FAM174A: variants seen among roughly 807,000 people sequenced by gnomAD.
FAM174A encodes the protein membrane protein FAM174A.
A neutral mutation model predicts 14.3 loss-of-function variants in FAM174A; 14 were observed. The observed-to-expected ratio is 0.98, with a 90% confidence interval of 0.65 to 1.53. The LOEUF (loss-of-function observed/expected upper bound fraction) is 1.53. FAM174A is among the 40% of genes most tolerant of loss of function. The pLI, the probability that FAM174A is intolerant of heterozygous loss-of-function variation, is 0.00. For synonymous variants in FAM174A, 108 were observed against 111.4 expected, an observed-to-expected ratio of 0.97 and a Z score of 0.19; for missense variants, 241 against 249.6, an observed-to-expected ratio of 0.97 and a Z score of 0.23.
At chr5:100,547,424 G>C (rs1746185242) in intron 1 of FAM174A, among the ~76,000 whole-genome samples, 1 of 152,054 alleles carries the variant, frequency 6.6e-6, no homozygotes. Flanking sequence ...GGACACTGAA[G>C]AGCCCAGTTT....
At chr5:100,557,916 G>C (rs1746429416) in intron 1 of FAM174A, among the ~76,000 whole-genome samples, 1 of 151,980 alleles carries the variant, frequency 6.6e-6, no homozygotes, top group African/African-American at 2.4e-5. Flanking sequence ...TTTTTGAAGG[G>C]TTTTTTATGT....
intron 2 of FAM174A, among the ~76,000 whole-genome samples, chr5:100,575,486 G>A (rs1021350047): frequency 1.3e-5 from 2 of 152,080 alleles, no homozygotes; most frequent in African/African-American, 4.8e-5. Context: ...CCACCTATGA[G>A]TGAGAACATG....
intron 2 of FAM174A, among the ~76,000 whole-genome samples, chr5:100,570,349 A>AT (rs946878314): frequency 8.6e-5 from 13 of 151,906 alleles, no homozygotes; most frequent in Non-Finnish European, 1.6e-4. Context: ...ACTCGATCTG[A>AT]TTTTTTAATG....
intron 1 of FAM174A, among the ~76,000 whole-genome samples, chr5:100,544,323 C>T (rs919853026): frequency 2.0e-5 from 3 of 151,930 alleles, no homozygotes; most frequent in Non-Finnish European, 2.9e-5. Flanking sequence ...ACCCCTGCAT[C>T]CCGGAAACAG....
intron 1 of FAM174A, among the ~76,000 whole-genome samples, chr5:100,554,590 G>GT (rs1293499825): frequency 2.6e-5 from 4 of 152,050 alleles, no homozygotes; most frequent in Non-Finnish European, 5.9e-5. Context: ...GATTACAGGT[G>GT]TGAGTAACCA....
intron 1 of FAM174A, 66 bp downstream of exon 1, chr5:100,536,030 AG>A: frequency 7.0e-7 from 1 of 1,419,872 alleles, no homozygotes; most frequent in East Asian, 2.4e-5. Context: ...ATCTCCAGCA[AG>A]GCTGACTTCT....
At chr5:100,543,363 C>G (rs1212293845) in intron 1 of FAM174A, among the ~76,000 whole-genome samples, 2 of 152,158 alleles carry the variant, frequency 1.3e-5, no homozygotes, top group African/African-American at 4.8e-5. Context: ...AGTGATCTGC[C>G]TGCCTTGGCC....
intron 1 of FAM174A, among the ~76,000 whole-genome samples, chr5:100,550,309 A>G (rs1746238784): frequency 6.6e-6 from 1 of 152,164 alleles, no homozygotes; most frequent in African/African-American, 2.4e-5. Flanking sequence ...TGTTGCCTCC[A>G]GAGGTCCATA....
At chr5:100,536,763 A>G (rs572471936) in intron 1 of FAM174A, among the ~76,000 whole-genome samples, 22 of 152,302 alleles carry the variant, frequency 1.4e-4, no homozygotes, top group Non-Finnish European at 2.6e-4. Context: ...TCCCATAAAT[A>G]CCCTCTGTAT....
chr5:100,557,980 C>T (rs1273350868), intron 1 of FAM174A, among the ~76,000 whole-genome samples: 1 of 152,102 alleles, frequency 6.6e-6, no homozygotes, highest in Non-Finnish European at 1.5e-5. Flanking sequence ...CTTCTGCTAG[C>T]TTTTGAATGT....
At chr5:100,542,914 A>ATG (rs1490653383) in intron 1 of FAM174A, among the ~76,000 whole-genome samples, 58 of 151,666 alleles carry the variant, frequency 3.8e-4, no homozygotes, top group Admixed American at 1.4e-3. Flanking sequence ...GTGTATATAT[A>ATG]TGTGTGTGTG....
intron 1 of FAM174A, among the ~76,000 whole-genome samples, chr5:100,556,180 C>G (rs1157501145): frequency 1.3e-5 from 2 of 152,146 alleles, no homozygotes; most frequent in African/African-American, 4.8e-5. Context: ...GTTTTCCCAG[C>G]ACCATTTATT....
At position 100,566,745 on chromosome 5, in the gene FAM174A, C is replaced by T. The variant is rs181561202; in HGVS notation, c.569+4557C>T. On this transcript the variant is annotated intron_variant, in intron 2 of 2. Transcript: ENST00000312637. The stretch of plus-strand genomic sequence containing the variant: ...CTTAAGCATATCCAATTTTTATTTA[C>T]CAATTATACCTCAGTAAAGATGGAG... Among the ~76,000 whole-genome samples the T allele has an allele frequency of 9.5e-4, 145 of 151,836 alleles. 1 individual carries two copies. Among genetic ancestry groups the T allele is most frequent in the African/African-American group, 3.1e-3 (130 of 41,432 alleles).
At chr5:100,576,806 G>A (rs1260397551) in intron 2 of FAM174A, among the ~76,000 whole-genome samples, 5 of 152,116 alleles carry the variant, frequency 3.3e-5, no homozygotes, top group Non-Finnish European at 5.9e-5. Context: ...AATTTTGTTA[G>A]TTAGAGGCAA....
chr5:100,535,750 G>A lies in FAM174A; in HGVS notation c.220G>A (p.Ala74Thr), dbSNP rs777505637. Residue 74 changes from alanine (A) to threonine (T), a missense_variant, in exon 1 of 3, where the codon GCG (alanine) becomes ACG (threonine). Transcript: ENST00000312637. ...QQPGRGLAEAAGPRGSEGGNG... is the reference protein window; with the variant it reads ...QQPGRGLAEATGPRGSEGGNG... ...GCCGGGCCGTGGTCTGGCTGAAGCT[G>A]CGGGGCCGCGGGGCTCCGAGGGAGG... 3.0e-5 allele frequency: 48 copies of A among 1,603,498 alleles called. No homozygotes were observed. Among genetic ancestry groups the A allele is most frequent in the Admixed American group, 1.0e-4 (6 of 59,298 alleles).
intron 1 of FAM174A, among the ~76,000 whole-genome samples, chr5:100,558,680 T>A (rs1199721680): frequency 2.6e-5 from 4 of 152,176 alleles, no homozygotes; most frequent in Admixed American, 2.6e-4. Flanking sequence ...TTGATCCCTT[T>A]ACCATTATGT....
At chr5:100,585,127 G>A (rs1179585885) in intron 2 of FAM174A, among the ~76,000 whole-genome samples, 18 of 152,116 alleles carry the variant, frequency 1.2e-4, no homozygotes, top group Admixed American at 1.2e-3. Context: ...AACAACGCTT[G>A]AGCTCACCAT....
intron 1 of FAM174A, among the ~76,000 whole-genome samples, chr5:100,553,010 A>G (rs1032920082): frequency 1.3e-5 from 2 of 152,106 alleles, no homozygotes; most frequent in South Asian, 2.1e-4. Context: ...TTGTTTCTAT[A>G]TTTCCAAATG....
At chr5:100,563,926 T>C (rs181740445) in intron 2 of FAM174A, among the ~76,000 whole-genome samples, 23 of 151,926 alleles carry the variant, frequency 1.5e-4, no homozygotes, top group Non-Finnish European at 2.9e-4. Context: ...TAACCCTCCA[T>C]GCTGAAATTG....
Sources: gnomAD v4.1 joint callset for allele counts (sites outside exome capture counted in the v4.1 genomes callset) on GRCh38, gnomAD v4.1.1 for gene constraint, MANE v1.5 for transcripts, NCBI Gene and HGNC (gene_info 2026-07-23, HGNC 2026-07-21) for gene names.